The following CCDC92 variants were observed in gnomAD, a reference collection of about 807,000 sequenced individuals.
CCDC92 encodes the protein coiled-coil domain-containing protein 92.
CCDC92 carries 12 observed loss-of-function variants against 24.9 expected under a neutral mutation model. The ratio of observed to expected loss-of-function variants is 0.48; its 90% CI spans 0.31 to 0.78. The LOEUF (loss-of-function observed/expected upper bound fraction) is 0.78. CCDC92 is among the 30% of genes least tolerant of loss of function. The pLI, the probability that CCDC92 is intolerant of heterozygous loss-of-function variation, is 0.05. For synonymous variants in CCDC92, 193 were observed against 196.3 expected (o/e 0.98, Z 0.14); for missense variants, 399 against 439.4 (o/e 0.91, Z 0.82).
At chr12:123,959,452 GCAC>G (rs1355889749) in intron 1 of CCDC92, among the ~76,000 whole-genome samples, 9 of 152,006 alleles carry the variant, frequency 5.9e-5, no homozygotes, top group Non-Finnish European at 1.3e-4. Context: ...CTACCAGTGT[GCAC>G]CACCACGCCC....
intron 1 of CCDC92, among the ~76,000 whole-genome samples, chr12:123,953,500 C>A (rs973150227): frequency 6.6e-6 from 1 of 152,218 alleles, no homozygotes; most frequent in African/African-American, 2.4e-5. Flanking sequence ...TTGTCTCAGC[C>A]AGGCACAGTG....
At chr12:123,971,550 T>TA (rs1299978054) in intron 1 of CCDC92, 2 of 152,238 alleles carry the variant, frequency 1.3e-5, no homozygotes, top group African/African-American at 4.8e-5. Flanking sequence ...CGTAATATGT[T>TA]AAAGTATTAC....
chr12:123,937,741 A>G lies in CCDC92; in HGVS notation c.313T>C (p.Leu105=), dbSNP rs200549175. The G allele has an allele frequency of 3.7e-6, 6 of 1,614,074 alleles. No individual in the cohort carries two copies. The highest frequency in any genetic ancestry group is 1.7e-5 in the Admixed American group (1 of 60,028). ...LKVKENENAE[L]LKELEQKNAM... ...TTTTTCTGCTCCAGTTCTTTCAACA[A>G]CTCAGCATTTTCGTTCTCTTTCACT... is the stretch of plus-strand genomic sequence containing the variant. Residue 105 remains leucine, a synonymous_variant, in exon 5 of 5, where the codon TTG becomes CTG. Coordinates refer to ENST00000238156, the MANE Select transcript of CCDC92 (RefSeq NM_025140.3). This position sits in a 1 kb window ranked among gnomAD's most constrained non-coding sequence, Gnocchi z 8.4.
chr12:123,937,430 C>G lies in CCDC92; in HGVS notation c.624G>C (p.Lys208Asn). ...LPETPRRRMKKSLSAPLHPEF... is the reference protein window; with the variant it reads ...LPETPRRRMKNSLSAPLHPEF... ...CCGGGTGCAAGGGGGCTGAGAGGCT[C>G]TTTTTCATGCGGCGGCGAGGCGTTT... The change falls in exon 5 of 5, where the codon AAG becomes AAC. Residue 208 changes from lysine to asparagine, a missense_variant. Lys to Asn is a moderately conservative substitution (Grantham distance 94). Transcript: ENST00000238156. This position sits in a 1 kb window ranked among gnomAD's most constrained non-coding sequence, Gnocchi z 8.4. 1 of 1,613,794 alleles carries G rather than the reference C, an allele frequency of 6.2e-7. No homozygotes were observed. The highest frequency in any genetic ancestry group is 8.5e-7 in the Non-Finnish European group (1 of 1,180,022).
Position 123,972,569 on chromosome 12 carries a change from C to A in CCDC92, c.-100G>T, listed in dbSNP as rs1956585943. 6.6e-6 allele frequency: 1 copy of A among 151,328 alleles called. No individual in the cohort carries two copies. Among genetic ancestry groups the A allele is most frequent in the African/African-American group, 2.4e-5 (1 of 41,300 alleles). The allele number at this position is 151,328 out of a possible 1,614,324, so 9.4% of individuals were successfully genotyped here. ...TCGCGTTCCTTCAGGCGGCTGCCCT[C>A]TTAGGCTCGGTCCTCCCGGCGGGCG... On this transcript the variant is annotated 5_prime_UTR_variant, in exon 1 of 5. Coordinates refer to ENST00000238156, the MANE Select transcript of CCDC92 (RefSeq NM_025140.3).
In CCDC92 at chr12:123,937,033, A is replaced by C. The variant is rs760815632; in HGVS notation, c.*25T>G. 6 of 1,612,672 alleles carry C rather than the reference A, an allele frequency of 3.7e-6. No individual in the cohort carries two copies. The South Asian group carries it at 6.6e-5, about 18-fold the overall frequency. ...CCAGTGGTGCTCACAGTGCATGGAC[A>C]GCGCGGGGTGGGGCACGGCGGGCTT... On this transcript the variant is annotated 3_prime_UTR_variant, in exon 5 of 5. Transcript: ENST00000238156. The surrounding 1 kb of genome is among the most constrained non-coding windows in gnomAD (Gnocchi z 8.4).
intron 1 of CCDC92, chr12:123,960,826 G>A (rs1192780059): frequency 1.3e-5 from 2 of 152,168 alleles, no homozygotes; most frequent in African/African-American, 2.4e-5. Flanking sequence ...AAGCCTAGTC[G>A]CCTAGCCACT....
At chr12:123,959,838 T>C (rs1956233498) in intron 1 of CCDC92, among the ~76,000 whole-genome samples, 1 of 152,204 alleles carries the variant, frequency 6.6e-6, no homozygotes, top group Non-Finnish European at 1.5e-5. Flanking sequence ...TCTACCATGT[T>C]GGGCAGCACA....
Position 123,936,787 on chromosome 12 carries a change from C to A in CCDC92, c.*271G>T, listed in dbSNP as rs1446303906. 3.5e-6 allele frequency: 2 copies of A among 565,984 alleles called. No individual in the cohort carries two copies. The highest frequency in any genetic ancestry group is 6.3e-6 in the Non-Finnish European group (2 of 319,108). The allele number at this position is 565,984 out of a possible 1,614,324, so 35.1% of individuals were successfully genotyped here. ...TGACGCAGCCGTGGCCTGGGCTTTG[C>A]CTGCAGCGCACTTAGGTTACACGGA... is the stretch of plus-strand genomic sequence containing the variant. On this transcript the variant is annotated 3_prime_UTR_variant, in exon 5 of 5. Transcript: ENST00000238156.
rs753848940 is a variant in CCDC92, at chr12:123,943,377, C to T, written c.151G>A (p.Glu51Lys). ...CAGTGCTGCTGCAGCCGCCTGATCT[C>T]GGAGTGCAGCCCCTTGAGCGTGCTG... ...HASTLKGLHS[E>K]IRRLQQHCTD... The change falls in exon 3 of 5, where the codon GAG becomes AAG. Residue 51 changes from glutamate (E) to lysine (K), a missense_variant. Glu to Lys is a moderately conservative substitution (Grantham distance 56). Transcript: ENST00000238156. 1.8e-5 allele frequency: 29 copies of T among 1,613,872 alleles called. No individual in the cohort carries two copies. Among genetic ancestry groups the T allele is most frequent in the East Asian group, 4.5e-5 (2 of 44,876 alleles).
intron 4 of CCDC92, among the ~76,000 whole-genome samples, chr12:123,940,243 A>AGG (rs1190526603): frequency 4.6e-5 from 7 of 152,138 alleles, no homozygotes; most frequent in African/African-American, 7.2e-5. Context: ...ATGTCAAAGA[A>AGG]CCTGCCCAAG....
At chr12:123,957,696 CTT>C (rs1956179914) in intron 1 of CCDC92, among the ~76,000 whole-genome samples, 2 of 115,138 alleles carry the variant, frequency 1.7e-5, no homozygotes, top group Non-Finnish European at 1.7e-5. Flanking sequence ...TTTTTTTTTC[CTT>C]CTTTTTTTTT....
chr12:123,961,738 T>A (rs990277753), intron 1 of CCDC92, among the ~76,000 whole-genome samples: 1 of 152,202 alleles, frequency 6.6e-6, no homozygotes, highest in Non-Finnish European at 1.5e-5. Flanking sequence ...GAATCACCTT[T>A]TACTGAGGGC....
chr12:123,958,635 T>C (rs1956205053), intron 1 of CCDC92, among the ~76,000 whole-genome samples: 1 of 152,234 alleles, frequency 6.6e-6, no homozygotes. Flanking sequence ...GTGTGGCCGC[T>C]TGAGTGCAGT....
At position 123,937,901 on chromosome 12, in the gene CCDC92, C is replaced by T; in HGVS notation, c.224-71G>A. The T allele has an allele frequency of 1.4e-6, 2 of 1,467,764 alleles. No homozygotes were observed. The highest frequency in any genetic ancestry group is 2.0e-5 in the Admixed American group (1 of 49,454). The allele number at this position is 1,467,764 out of a possible 1,614,324, so 90.9% of individuals were successfully genotyped here. A position where few individuals can be genotyped will look rare whatever the true frequency, so the allele number is the denominator to read the frequency against. ...AGGCCGAGTGGTGAGGCCTATGGGG[C>T]AGGCGGACCTGTCTGGTGGGGGCCC... On this transcript the variant is annotated intron_variant, in intron 4 of 4. Coordinates refer to ENST00000238156, the MANE Select transcript of CCDC92 (RefSeq NM_025140.3). The surrounding 1 kb of genome is among the most constrained non-coding windows in gnomAD (Gnocchi z 8.4).
rs550198109 is a variant in CCDC92, at chr12:123,952,121, C to T, written c.-59-7757G>A. Among the ~76,000 whole-genome samples the T allele has an allele frequency of 6.6e-5, 10 of 152,266 alleles. No homozygotes were observed. The East Asian group carries it at 7.7e-4, about 12-fold the overall frequency. ...CTTTAAGTGCTAAAAGCAACCAGGA[C>T]GGGCCTGGCATAGAGTAGTGCTCAA... On this transcript the variant is annotated intron_variant, in intron 1 of 4. Transcript: ENST00000238156.
rs112274206 is a variant in CCDC92, at chr12:123,937,995, G to A, written c.224-165C>T. On this transcript the variant is annotated intron_variant, in intron 4 of 4. Coordinates refer to ENST00000238156, the MANE Select transcript of CCDC92 (RefSeq NM_025140.3). The surrounding 1 kb of genome is among the most constrained non-coding windows in gnomAD (Gnocchi z 8.4). ...CTCTGGAAAGACCCCTCCCCTCCCCGAGGTGGGGAGATCGGGGCATCTCAG... is the reference window on the plus strand; with the variant it reads ...CTCTGGAAAGACCCCTCCCCTCCCCAAGGTGGGGAGATCGGGGCATCTCAG... 0.013 allele frequency among the ~76,000 whole-genome samples: 1,913 copies of A among 152,272 alleles called. 29 individuals are homozygous for A. The highest frequency in any genetic ancestry group is 0.042 in the African/African-American group (1,764 of 41,548).
At chr12:123,959,873 C>T (rs1004810372) in intron 1 of CCDC92, among the ~76,000 whole-genome samples, 1 of 152,168 alleles carries the variant, frequency 6.6e-6, no homozygotes, top group Non-Finnish European at 1.5e-5. Context: ...AGAACCATGG[C>T]TAGAGCTATG....
intron 1 of CCDC92, chr12:123,969,879 G>T (rs1438088504): frequency 1.3e-5 from 2 of 152,068 alleles, no homozygotes; most frequent in Non-Finnish European, 2.9e-5. Flanking sequence ...TTTTCTGCTT[G>T]CCTTCCTAGA....
Sources: allele counts gnomAD v4.1 joint callset (sites outside exome capture counted in the v4.1 genomes callset), GRCh38; gene constraint gnomAD v4.1.1; non-coding constraint Gnocchi (gnomAD v3.1); transcripts MANE v1.5; gene names NCBI Gene and HGNC (gene_info 2026-07-23, HGNC 2026-07-21).